PIEZO2: variants seen among roughly 807,000 people sequenced by gnomAD.
PIEZO2 encodes the protein piezo-type mechanosensitive ion channel component 2.
A neutral mutation model predicts 337.3 loss-of-function variants in PIEZO2; 172 were observed. That is an observed-to-expected ratio of 0.51 (90% CI 0.45 to 0.58). The LOEUF (loss-of-function observed/expected upper bound fraction) is 0.58, where lower values mean the gene tolerates loss of function less well. Ranked by LOEUF, PIEZO2 falls within the 20% of genes least tolerant of loss-of-function variation. The pLI, the probability that PIEZO2 is intolerant of heterozygous loss-of-function variation, is 0.00. For missense variants in PIEZO2, 3,028 were observed against 3,391.3 expected (o/e 0.89, Z 2.66); for synonymous variants, 1,251 against 1,228.5 (o/e 1.02, Z -0.38).
chr18:11,031,425 AG>A lies in PIEZO2; in HGVS notation c.160+34701del, dbSNP rs1385527928. The stretch of plus-strand genomic sequence containing the variant: ...ACTCTTAATTCTTACATTTTATACC[AG>A]AAAAAAAAATTAGTGAACACTACTA... On this transcript the variant is annotated intron_variant, in intron 2 of 55. Transcript: ENST00000674853. This position sits in a 1 kb window ranked among gnomAD's most constrained non-coding sequence, Gnocchi z 4.7. Among the ~76,000 whole-genome samples, 2 of 152,100 alleles carry A rather than the reference AG, an allele frequency of 1.3e-5. No homozygotes were observed. Among genetic ancestry groups the A allele is most frequent in the Non-Finnish European group, 2.9e-5 (2 of 68,004 alleles).
intron 15 of PIEZO2, among the ~76,000 whole-genome samples, chr18:10,788,168 G>A (rs1016756759): frequency 2.6e-5 from 4 of 152,086 alleles, no homozygotes; most frequent in Admixed American, 1.3e-4. Flanking sequence ...CTGGAAGGCC[G>A]AGGAGGGCAG....
chr18:10,974,361 G>C (rs1174804707), intron 3 of PIEZO2, among the ~76,000 whole-genome samples: 1 of 152,206 alleles, frequency 6.6e-6, no homozygotes, highest in Non-Finnish European at 1.5e-5. Flanking sequence ...CTCCCACAGG[G>C]GGAAAGAGCA....
chr18:11,070,411 C>T lies in PIEZO2; in HGVS notation c.65-4189G>A, dbSNP rs1424571673. Reference sequence around the variant, plus strand: ...TGTTGAAATAATAAGAAAAAATGAACTCTCTGAAGGAAAGAACACTAAAGA... The same window carrying T: ...TGTTGAAATAATAAGAAAAAATGAATTCTCTGAAGGAAAGAACACTAAAGA... On this transcript the variant is annotated intron_variant, in intron 1 of 55. Coordinates refer to ENST00000674853, the MANE Select transcript of PIEZO2 (RefSeq NM_001378183.1). This position sits in a 1 kb window ranked among gnomAD's most constrained non-coding sequence, Gnocchi z 4.3. 1.3e-5 allele frequency among the ~76,000 whole-genome samples: 2 copies of T among 152,100 alleles called. No homozygotes were observed. The highest frequency in any genetic ancestry group is 4.8e-5 in the African/African-American group (2 of 41,416).
intron 7 of PIEZO2, among the ~76,000 whole-genome samples, chr18:10,814,152 G>A (rs752928440): frequency 4.6e-5 from 7 of 151,824 alleles, no homozygotes; most frequent in Non-Finnish European, 7.4e-5. Context: ...TATTTTTTTA[G>A]TAGAGACAGG....
intron 1 of PIEZO2, among the ~76,000 whole-genome samples, chr18:11,086,759 T>G (rs772226855): frequency 1.4e-3 from 47 of 33,076 alleles, no homozygotes; most frequent in African/African-American, 2.4e-3. Context: ...TAATTTCGGG[T>G]TTTTTTTTTT....
At chr18:10,778,499 A>T (rs2038868429) in intron 18 of PIEZO2, among the ~76,000 whole-genome samples, 1 of 151,908 alleles carries the variant, frequency 6.6e-6, no homozygotes, top group African/African-American at 2.4e-5. Flanking sequence ...CACCCAGCTA[A>T]TTTTTTGTAT....
chr18:10,887,711 A>C (rs1442002399), intron 4 of PIEZO2, among the ~76,000 whole-genome samples: 1 of 152,206 alleles, frequency 6.6e-6, no homozygotes, highest in African/African-American at 2.4e-5. Context: ...GTGTCTCACT[A>C]GTCTCCTTCA....
chr18:10,828,169 T>A lies in PIEZO2; in HGVS notation c.918-20895A>T, dbSNP rs1313851949. 6.7e-6 allele frequency among the ~76,000 whole-genome samples: 1 copy of A among 150,218 alleles called. No homozygotes were observed. Among genetic ancestry groups the A allele is most frequent in the Non-Finnish European group, 1.5e-5 (1 of 67,600 alleles). On this transcript the variant is annotated intron_variant, in intron 7 of 55. Transcript: ENST00000674853. The surrounding 1 kb of genome is among the most constrained non-coding windows in gnomAD (Gnocchi z 4.1). The stretch of plus-strand genomic sequence containing the variant: ...TTTTTTTTTTTTACAGTAAAACCAA[T>A]CCTGTATGTAGTCATAAGTATCACT...
rs2035904191 is a variant in PIEZO2, at chr18:10,713,665, C to T, written c.5423+1099G>A. 6.6e-6 allele frequency among the ~76,000 whole-genome samples: 1 copy of T among 152,164 alleles called. No homozygotes were observed. The highest frequency in any genetic ancestry group is 1.5e-5 in the Non-Finnish European group (1 of 68,034). Reference sequence around the variant, plus strand: ...TAGGCTCAAACCATTTAGGGGATTACTCTTATCTTTATATGCCTCTCCCAG... The same window carrying T: ...TAGGCTCAAACCATTTAGGGGATTATTCTTATCTTTATATGCCTCTCCCAG... On this transcript the variant is annotated intron_variant, in intron 39 of 55. Coordinates refer to ENST00000674853, the MANE Select transcript of PIEZO2 (RefSeq NM_001378183.1). The surrounding 1 kb of genome is among the most constrained non-coding windows in gnomAD (Gnocchi z 4.5).
intron 8 of PIEZO2, among the ~76,000 whole-genome samples, chr18:10,806,617 A>T (rs2040011199): frequency 6.6e-6 from 1 of 151,886 alleles, no homozygotes; most frequent in African/African-American, 2.4e-5. Flanking sequence ...GAGATTTGGG[A>T]AACACCAGTC....
chr18:10,946,253 A>G (rs1255161802), intron 3 of PIEZO2, among the ~76,000 whole-genome samples: 1 of 152,244 alleles, frequency 6.6e-6, no homozygotes, highest in Non-Finnish European at 1.5e-5. Context: ...CAGACAAACA[A>G]AGATAGGAAT....
intron 7 of PIEZO2, among the ~76,000 whole-genome samples, chr18:10,829,931 G>GAAA (rs59199219): frequency 7.3e-6 from 1 of 136,668 alleles, no homozygotes; most frequent in African/African-American, 2.7e-5. Flanking sequence ...CACAGAAGTA[G>GAAA]AAAAAAAAAA....
At position 11,102,522 on chromosome 18, in the gene PIEZO2, G is replaced by A. The variant is rs949005212; in HGVS notation, c.65-36300C>T. ...CTTTCCTTCCCCTGCCTAGGGCAGA[G>A]CAGAGGATGGGGCTATGGGGAGAGG... On this transcript the variant is annotated intron_variant, in intron 1 of 55. Transcript: ENST00000674853. The surrounding 1 kb of genome is among the most constrained non-coding windows in gnomAD (Gnocchi z 5.7). Among the ~76,000 whole-genome samples, 3 of 152,226 alleles carry A rather than the reference G, an allele frequency of 2.0e-5. No homozygotes were observed. The highest frequency in any genetic ancestry group is 7.2e-5 in the African/African-American group (3 of 41,452).
Position 10,682,477 on chromosome 18 carries a change from G to C in PIEZO2, c.7498-185C>G, listed in dbSNP as rs1346983542. ...CCCAATCTCGAAATGAAGTTAGGTA[G>C]TGATGTGAAGCTGTCCTGAGGTCGC... On this transcript the variant is annotated intron_variant, in intron 49 of 55. Coordinates refer to ENST00000674853, the MANE Select transcript of PIEZO2 (RefSeq NM_001378183.1). This position sits in a 1 kb window ranked among gnomAD's most constrained non-coding sequence, Gnocchi z 5.6. Among the ~76,000 whole-genome samples the C allele has an allele frequency of 1.3e-5, 2 of 152,200 alleles. No homozygotes were observed.
At chr18:10,700,230 T>C (rs1331575641) in intron 43 of PIEZO2, among the ~76,000 whole-genome samples, 2 of 152,180 alleles carry the variant, frequency 1.3e-5, no homozygotes, top group Non-Finnish European at 2.9e-5. Context: ...CCAATTCTTC[T>C]AATTATTTAT....
At chr18:10,932,304 G>A (rs2032140793) in intron 3 of PIEZO2, among the ~76,000 whole-genome samples, 1 of 152,134 alleles carries the variant, frequency 6.6e-6, no homozygotes, top group African/African-American at 2.4e-5. Flanking sequence ...GCTGAGGTGG[G>A]AGGATCAATT....
rs869240118 is a variant in PIEZO2, at chr18:10,767,517, AG to A, written c.2946+2630del. On this transcript the variant is annotated intron_variant, in intron 21 of 55. Transcript: ENST00000674853. This position sits in a 1 kb window ranked among gnomAD's most constrained non-coding sequence, Gnocchi z 4.2. ...AAGATGATGGGGCAGGTGGGGATGC[AG>A]GGAGGAGAACGTCCTCTGCGCGCAG... Among the ~76,000 whole-genome samples, 2 of 134,864 alleles carry A rather than the reference AG, an allele frequency of 1.5e-5. No individual in the cohort carries two copies. The highest frequency in any genetic ancestry group is 2.6e-5 in the African/African-American group (1 of 39,092). The allele number at this position is 134,864 out of a possible 152,430, so 88.5% of individuals were successfully genotyped here. A position where few individuals can be genotyped will look rare whatever the true frequency, so the allele number is the denominator to read the frequency against.
chr18:10,726,666 C>G lies in PIEZO2; in HGVS notation c.5029+4741G>C. On this transcript the variant is annotated intron_variant, in intron 36 of 55. Coordinates refer to ENST00000674853, the MANE Select transcript of PIEZO2 (RefSeq NM_001378183.1). This position sits in a 1 kb window ranked among gnomAD's most constrained non-coding sequence, Gnocchi z 5.9. The stretch of plus-strand genomic sequence containing the variant: ...GCGCCAAGCGCGGCCAGACAGACAC[C>G]TCGCTGCCAAGTTAATTCAGCAAGG... 7.0e-7 allele frequency: 1 copy of G among 1,427,434 alleles called. No individual in the cohort carries two copies. Among genetic ancestry groups the G allele is most frequent in the Non-Finnish European group, 9.6e-7 (1 of 1,042,378 alleles). 88.4% of individuals were successfully genotyped at this position (1,427,434 alleles called of 1,614,324 possible).
intron 4 of PIEZO2, among the ~76,000 whole-genome samples, chr18:10,898,830 C>T (rs1355525544): frequency 2.0e-5 from 3 of 151,984 alleles, no homozygotes; most frequent in East Asian, 1.9e-4. Flanking sequence ...TGCAAATCAG[C>T]GTGGTATAGG....
Sources: gnomAD v4.1 joint callset for allele counts (sites outside exome capture counted in the v4.1 genomes callset) on GRCh38, gnomAD v4.1.1 for gene constraint, Gnocchi (gnomAD v3.1) non-coding constraint, MANE v1.5 for transcripts, NCBI Gene and HGNC (gene_info 2026-07-23, HGNC 2026-07-21) for gene names.